Variants in NOTCH2 observed in about 807,000 individuals in gnomAD.
NOTCH2 encodes the protein neurogenic locus notch homolog protein 2.
NOTCH2 carries 29 observed loss-of-function variants against 235.8 expected under a neutral mutation model. The ratio of observed to expected loss-of-function variants is 0.12; its 90% CI spans 0.09 to 0.17. The LOEUF is 0.17. Among genes scored for constraint, NOTCH2 ranks in the 10% least tolerant of loss-of-function variants. The pLI is 1.00. For synonymous variants in NOTCH2, 1,086 were observed against 1,141.5 expected, an observed-to-expected ratio of 0.95 and a Z score of 0.98; for missense variants, 2,285 against 3,150.2, an observed-to-expected ratio of 0.73 and a Z score of 6.57.
chr1:119,972,932 C>G (rs1553200543), intron 5 of NOTCH2, among the ~76,000 whole-genome samples: 1 of 152,112 alleles, frequency 6.6e-6, no homozygotes, highest in Admixed American at 6.5e-5. Context: ...GGTGAGGACT[C>G]AAATCATGAC....
intron 25 of NOTCH2, among the ~76,000 whole-genome samples, chr1:119,924,992 G>A (rs1649421605): frequency 6.6e-6 from 1 of 152,196 alleles, no homozygotes; most frequent in African/African-American, 2.4e-5. Flanking sequence ...CATCCATCCT[G>A]CAGGCAGGTT....
chr1:119,963,127 T>C (rs1181702117), intron 11 of NOTCH2, among the ~76,000 whole-genome samples: 4 of 143,674 alleles, frequency 2.8e-5, no homozygotes, highest in African/African-American at 1.0e-4. Context: ...GAGACTGAAC[T>C]GTGAAAGAGA....
At chr1:119,939,228 C>G (rs181471116) in intron 19 of NOTCH2, among the ~76,000 whole-genome samples, 111 of 152,254 alleles carry the variant, frequency 7.3e-4, no homozygotes, top group Middle Eastern at 6.8e-3. Context: ...CAAAATGACA[C>G]CGAAGGAAAC....
At chr1:120,033,335 T>TG (rs1395557441) in intron 1 of NOTCH2, among the ~76,000 whole-genome samples, 2 of 109,226 alleles carry the variant, frequency 1.8e-5, no homozygotes, top group Admixed American at 1.1e-4. Context: ...CACTTGAACC[T>TG]GGGGGGCGGA....
intron 22 of NOTCH2, among the ~76,000 whole-genome samples, chr1:119,934,354 T>C (rs1649774363): frequency 6.6e-6 from 1 of 152,202 alleles, no homozygotes; most frequent in Admixed American, 6.5e-5. Context: ...TATTCTTTTA[T>C]AGCAACATAA....
chr1:119,940,510 CA>C, intron 19 of NOTCH2, 44 bp downstream of exon 19: 1 of 1,547,002 alleles, frequency 6.5e-7, no homozygotes, highest in Non-Finnish European at 8.9e-7. Context: ...GTATAATATT[CA>C]GCTGCTCTAG....
intron 3 of NOTCH2, among the ~76,000 whole-genome samples, chr1:120,000,145 GCTGA>G (rs1652690490): frequency 6.6e-6 from 1 of 152,004 alleles, no homozygotes. Flanking sequence ...GAGCTAGTAA[GCTGA>G]CTGAGGTATA....
rs2101454068 is a variant in NOTCH2, at chr1:120,069,597, G to T, written c.-191C>A. 1.4e-6 allele frequency: 2 copies of T among 1,408,832 alleles called. No homozygotes were observed. The highest frequency in any genetic ancestry group is 2.9e-5 in the East Asian group (1 of 34,702). The allele number at this position is 1,408,832 out of a possible 1,614,324, so 87.3% of individuals were successfully genotyped here. A position where few individuals can be genotyped will look rare whatever the true frequency, so the allele number is the denominator to read the frequency against. ...CCGCGCCCCGAGTCCGCCGCTCCTC[G>T]GCCGCCGCCTCAGCCGCCGCCCGAA... On this transcript the variant is annotated 5_prime_UTR_variant, in exon 1 of 34. Transcript: ENST00000256646.
chr1:119,956,155 T>G (rs2101126103), intron 12 of NOTCH2, among the ~76,000 whole-genome samples: 1 of 152,320 alleles, frequency 6.6e-6, no homozygotes, highest in Non-Finnish European at 1.5e-5. Flanking sequence ...GCTATAACCT[T>G]GATATTTCTT....
intron 12 of NOTCH2, among the ~76,000 whole-genome samples, chr1:119,957,885 A>AC (rs1557821693): frequency 3.9e-5 from 3 of 76,960 alleles, no homozygotes; most frequent in Non-Finnish European, 6.6e-5. Flanking sequence ...CACACACACA[A>AC]CAGGCCCCTA....
rs587656878 is a variant in NOTCH2 at position 119,944,752 on chromosome 1, C to A, written c.2753-2998G>T. Reference sequence around the variant, plus strand: ...GCTTTAAAGTGCTGAAAGAGAAAGTCAATTTAGAATTCTCCTCCCTGTGAA... The same window carrying A: ...GCTTTAAAGTGCTGAAAGAGAAAGTAAATTTAGAATTCTCCTCCCTGTGAA... On this transcript the variant is annotated intron_variant, in intron 17 of 33. Coordinates refer to ENST00000256646, the MANE Select transcript of NOTCH2 (RefSeq NM_024408.4). 2.0e-5 allele frequency among the ~76,000 whole-genome samples: 3 copies of A among 152,166 alleles called. No individual in the cohort carries two copies. The East Asian group carries it at 5.8e-4, about 29-fold the overall frequency.
At chr1:120,035,502 C>A (rs1281500746) in intron 1 of NOTCH2, among the ~76,000 whole-genome samples, 1 of 151,944 alleles carries the variant, frequency 6.6e-6, no homozygotes, top group Non-Finnish European at 1.5e-5. Context: ...CTGAACAGAT[C>A]GTCATTGAAC....
chr1:119,942,134 T>A (rs587666930), intron 17 of NOTCH2, among the ~76,000 whole-genome samples: 1 of 152,348 alleles, frequency 6.6e-6, no homozygotes, highest in South Asian at 2.1e-4. Flanking sequence ...CACATATTCA[T>A]GTTTTTCCAG....
chr1:119,951,329 T>A (rs1650464887), intron 14 of NOTCH2, among the ~76,000 whole-genome samples: 1 of 152,126 alleles, frequency 6.6e-6, no homozygotes, highest in South Asian at 2.1e-4. Flanking sequence ...TTTTTAAATT[T>A]CTTGTAGAGA....
intron 25 of NOTCH2, among the ~76,000 whole-genome samples, chr1:119,924,632 G>A (rs587608194): frequency 6.6e-6 from 1 of 152,086 alleles, no homozygotes; most frequent in Non-Finnish European, 1.5e-5. Flanking sequence ...CCTACCCCTT[G>A]ATATTTATAC....
intron 5 of NOTCH2, among the ~76,000 whole-genome samples, chr1:119,985,689 A>G (rs115515865): frequency 6.6e-6 from 1 of 152,182 alleles, no homozygotes; most frequent in African/African-American, 2.4e-5. Flanking sequence ...GAGAAAAAAA[A>G]CACAAATTTT....
chr1:119,971,102 C>A (rs1296193055), intron 5 of NOTCH2, among the ~76,000 whole-genome samples: 2 of 152,194 alleles, frequency 1.3e-5, no homozygotes, highest in East Asian at 3.8e-4. Flanking sequence ...TAACTGACTG[C>A]CTGTTCTTTA....
In NOTCH2 at chr1:119,940,739, C is replaced by T. The variant is rs2101104020; in HGVS notation, c.2999G>A (p.Gly1000Asp). 1 of 1,614,128 alleles carries T rather than the reference C, an allele frequency of 6.2e-7. No homozygotes were observed. The highest frequency in any genetic ancestry group is 8.5e-7 in the Non-Finnish European group (1 of 1,179,988). The change falls in exon 19 of 34, where the codon GGC becomes GAC. Residue 1000 changes from glycine (G) to aspartate (D), a missense_variant. Transcript: ENST00000256646. Reference sequence around the variant, plus strand: ...GGAGTTAATCCCATCAACACATGTGCCACCATTGAAACAGGAGCTAAGAAG... The same window carrying T: ...GGAGTTAATCCCATCAACACATGTGTCACCATTGAAACAGGAGCTAAGAAG... ...ECTESSCFNG[G>D]TCVDGINSFS... is the part of the protein sequence containing the mutation.
At position 119,928,991 on chromosome 1, in the gene NOTCH2, G is replaced by C; in HGVS notation, c.3877C>G (p.Arg1293Gly). 6.2e-7 allele frequency: 1 copy of C among 1,614,036 alleles called. No individual in the cohort carries two copies. Among genetic ancestry groups the C allele is most frequent in the Non-Finnish European group, 8.5e-7 (1 of 1,179,926 alleles). Reference sequence around the variant, plus strand: ...AGCTTCTCACCAGTAAAGGCACTACGGCAAACACACAGGTAGTCATTGGTG... The same window carrying C: ...AGCTTCTCACCAGTAAAGGCACTACCGCAAACACACAGGTAGTCATTGGTG... ...QLTNDYLCVCRSAFTGRHCET... is the reference protein window; with the variant it reads ...QLTNDYLCVCGSAFTGRHCET... Residue 1293 changes from arginine (R) to glycine (G), a missense_variant, in exon 23 of 34, where the codon CGT (arginine) becomes GGT (glycine). Around this residue, in one of 6 missense-constraint regions of NOTCH2, gnomAD observed 1,173 missense variants for 1,515.3 expected, o/e 0.77. Transcript: ENST00000256646.
Sources: allele counts gnomAD v4.1 joint callset (sites outside exome capture counted in the v4.1 genomes callset), GRCh38; gene constraint gnomAD v4.1.1; regional missense constraint gnomAD v4.1.1; transcripts MANE v1.5; gene names NCBI Gene and HGNC (gene_info 2026-07-23, HGNC 2026-07-21).